MAPK6: variants seen among roughly 807,000 people sequenced by gnomAD.
MAPK6 encodes ERK-3.
Under a neutral mutation model 59.3 loss-of-function variants are expected in MAPK6, and 19 were observed. The ratio of observed to expected loss-of-function variants is 0.32; its 90% CI spans 0.22 to 0.47. The LOEUF is 0.47. Ranked by LOEUF, MAPK6 falls within the 20% of genes least tolerant of loss-of-function variation. The pLI, the probability that MAPK6 is intolerant of heterozygous loss-of-function variation, is 1.00. For synonymous variants in MAPK6, 316 were observed against 290.3 expected (o/e 1.09, Z -0.90); for missense variants, 724 against 847.9 (o/e 0.85, Z 1.81).
intron 3 of MAPK6, among the ~76,000 whole-genome samples, chr15:52,013,020 A>AAT (rs71130116): frequency 0.012 from 230 of 19,086 alleles, 2 homozygotes; most frequent in East Asian, 0.033. Flanking sequence ...AAAAAAAAAA[A>AAT]ATATATATAT....
chr15:52,018,461 C>T (rs2030345222), upstream of MAPK6, among the ~76,000 whole-genome samples: 1 of 152,208 alleles, frequency 6.6e-6, no homozygotes, highest in African/African-American at 2.4e-5. Context: ...TGACCTGCGT[C>T]TCTAATTTCA....
intron 3 of MAPK6, among the ~76,000 whole-genome samples, chr15:52,058,400 C>T (rs1292198147): frequency 6.6e-6 from 1 of 151,852 alleles, no homozygotes; most frequent in Non-Finnish European, 1.5e-5. Flanking sequence ...TGAGACCAAA[C>T]TTAAAGAGTC....
In MAPK6 at chr15:52,040,017, T is replaced by C. The variant is rs375316966; in HGVS notation, c.-631-5813T>C. 3.9e-5 allele frequency among the ~76,000 whole-genome samples: 6 copies of C among 152,276 alleles called. No individual in the cohort carries two copies. The East Asian group carries it at 7.7e-4, about 20-fold the overall frequency. On this transcript the variant is annotated intron_variant, in intron 1 of 5. Transcript: ENST00000261845. ...ACTCCCAGCCTCCTTGATGTCCAAA[T>C]CCTGAAAGGGCCCCTGATAACTCTT...
chr15:52,049,813 CG>C (rs1481302940), intron 2 of MAPK6, among the ~76,000 whole-genome samples, 179 bp from the exon 3 acceptor site: 1 of 151,876 alleles, frequency 6.6e-6, no homozygotes, highest in Non-Finnish European at 1.5e-5. Context: ...GGGGTTTCTC[CG>C]GTTGGTCAGA....
upstream of MAPK6, among the ~76,000 whole-genome samples, chr15:52,014,365 A>G (rs865797140): frequency 3.9e-5 from 6 of 152,190 alleles, no homozygotes; most frequent in Non-Finnish European, 7.3e-5. Context: ...ACACATTCAT[A>G]TAAACTATAT....
upstream of MAPK6, among the ~76,000 whole-genome samples, chr15:52,018,388 T>G (rs1277577861): frequency 6.6e-6 from 1 of 152,186 alleles, no homozygotes; most frequent in Non-Finnish European, 1.5e-5. Context: ...TAATAATGAC[T>G]AGAAGGGCTA....
At chr15:52,054,729 TACACACAC>T (rs35669914) in intron 3 of MAPK6, among the ~76,000 whole-genome samples, 6 of 147,134 alleles carry the variant, frequency 4.1e-5, no homozygotes, top group Admixed American at 6.8e-5. Flanking sequence ...CATATATCTA[TACACACAC>T]ACACACACAC....
At chr15:52,032,840 A>C (rs1278767530) in intron 1 of MAPK6, among the ~76,000 whole-genome samples, 2 of 152,106 alleles carry the variant, frequency 1.3e-5, no homozygotes, top group East Asian at 3.9e-4. Flanking sequence ...ATGCGCCACC[A>C]CACCCAGCTA....
At chr15:52,003,686 A>G (rs1202591734) in intron 2 of MAPK6, among the ~76,000 whole-genome samples, 2 of 152,270 alleles carry the variant, frequency 1.3e-5, no homozygotes, top group Non-Finnish European at 2.9e-5. Context: ...AACTTTAAAA[A>G]TAAAATGCTT....
intron 5 of MAPK6, among the ~76,000 whole-genome samples, chr15:52,063,652 T>C (rs1596016791): frequency 6.6e-6 from 1 of 152,188 alleles, no homozygotes; most frequent in Middle Eastern, 3.2e-3. Context: ...ATGAAGTCTT[T>C]TGTTTGCATG....
At chr15:51,997,589 T>TA (rs1278104316) in intron 2 of MAPK6, among the ~76,000 whole-genome samples, 3 of 148,784 alleles carry the variant, frequency 2.0e-5, no homozygotes, top group African/African-American at 7.6e-5. Flanking sequence ...TTTCTTTCTT[T>TA]CTTTTTTTTT....
intron 2 of MAPK6, among the ~76,000 whole-genome samples, chr15:52,048,996 A>G (rs886341855): frequency 6.6e-6 from 1 of 152,238 alleles, no homozygotes; most frequent in Admixed American, 6.5e-5. Flanking sequence ...CCATTTCTAC[A>G]TCCAACTAGC....
At chr15:52,035,406 G>A (rs1047604918) in intron 1 of MAPK6, among the ~76,000 whole-genome samples, 2 of 152,162 alleles carry the variant, frequency 1.3e-5, no homozygotes, top group East Asian at 1.9e-4. Flanking sequence ...AGGCCGAGGC[G>A]GGTGGATCTC....
At chr15:52,031,675 A>G (rs1209259216) in intron 1 of MAPK6, among the ~76,000 whole-genome samples, 3 of 152,144 alleles carry the variant, frequency 2.0e-5, no homozygotes, top group African/African-American at 7.2e-5. Context: ...TACCAAGATA[A>G]TAAAAAATTG....
At chr15:52,051,941 A>C (rs2031798211) in intron 3 of MAPK6, among the ~76,000 whole-genome samples, 1 of 152,170 alleles carries the variant, frequency 6.6e-6, no homozygotes, top group African/African-American at 2.4e-5. Context: ...ATTCCTGGAA[A>C]CTAAATTATT....
chr15:51,973,294 A>G (rs147814639), intron 1 of MAPK6, among the ~76,000 whole-genome samples: 1,647 of 152,016 alleles, frequency 0.011, 33 homozygotes, highest in African/African-American at 0.038. Flanking sequence ...TCCATTTGAC[A>G]GTGATTCAGT....
chr15:52,032,224 C>T (rs2031066400), intron 1 of MAPK6, among the ~76,000 whole-genome samples: 1 of 121,594 alleles, frequency 8.2e-6, no homozygotes, highest in Admixed American at 9.9e-5. Flanking sequence ...CAGAGTCTTG[C>T]TCTGTTGCCA....
rs181419412 is a variant in MAPK6 at position 52,023,172 on chromosome 15, G to A, written c.-632+3796G>A. Among the ~76,000 whole-genome samples, 97 of 149,002 alleles carry A rather than the reference G, an allele frequency of 6.5e-4. 1 individual carries two copies. The highest frequency in any genetic ancestry group is 1.3e-3 in the Non-Finnish European group (87 of 67,672). Reference sequence around the variant, plus strand: ...AACTGGATATCTTAGCCTGCTTCCTGTCTCCAAGGTACTGCTTTATGAAAT... The same window carrying A: ...AACTGGATATCTTAGCCTGCTTCCTATCTCCAAGGTACTGCTTTATGAAAT... On this transcript the variant is annotated intron_variant, in intron 1 of 5. Transcript: ENST00000261845.
chr15:51,991,046 T>A (rs913355766), intron 2 of MAPK6, among the ~76,000 whole-genome samples: 6 of 151,868 alleles, frequency 4.0e-5, no homozygotes, highest in African/African-American at 1.5e-4. Context: ...GAGAATCACT[T>A]GAACCCAGGA....
Sources: allele counts gnomAD v4.1 joint callset (sites outside exome capture counted in the v4.1 genomes callset), GRCh38; gene constraint gnomAD v4.1.1; transcripts MANE v1.5; gene names NCBI Gene and HGNC (gene_info 2026-07-23, HGNC 2026-07-21).